DCC: variants seen among roughly 807,000 people sequenced by gnomAD.
The protein encoded by DCC is netrin receptor DCC.
A neutral mutation model predicts 172.5 loss-of-function variants in DCC; 58 were observed. The observed-to-expected ratio is 0.34, with a 90% CI of 0.27 to 0.42. DCC has a LOEUF of 0.42. Ranked by LOEUF, DCC falls within the 10% of genes least tolerant of loss-of-function variation. DCC has a pLI of 1.00. For missense variants in DCC, 1,740 were observed against 1,791.0 expected, an observed-to-expected ratio of 0.97 and a Z score of 0.51; for synonymous variants, 709 against 644.5, an observed-to-expected ratio of 1.10 and a Z score of -1.52.
intron 8 of DCC, among the ~76,000 whole-genome samples, chr18:53,175,040 G>A (rs1431433266): frequency 1.3e-5 from 2 of 151,578 alleles, no homozygotes; most frequent in South Asian, 4.2e-4. Context: ...ATCAATAAAT[G>A]TAATCCAGCA....
chr18:52,839,132 C>T (rs1258277195), intron 2 of DCC, among the ~76,000 whole-genome samples: 2 of 152,028 alleles, frequency 1.3e-5, no homozygotes, highest in Non-Finnish European at 2.9e-5. Context: ...ATTACAAGTC[C>T]TATAAAAACG....
chr18:53,470,481 A>G (rs934636349), intron 25 of DCC, among the ~76,000 whole-genome samples: 9 of 152,078 alleles, frequency 5.9e-5, no homozygotes, highest in Non-Finnish European at 8.8e-5. Flanking sequence ...ACCCAGTTCC[A>G]AAGTCACATC....
chr18:53,317,880 CTTTA>C (rs1201747864), intron 13 of DCC, among the ~76,000 whole-genome samples: 2 of 152,084 alleles, frequency 1.3e-5, no homozygotes, highest in East Asian at 3.9e-4. Flanking sequence ...CTCTTTTCTT[CTTTA>C]TTTGTCTGGC....
chr18:53,236,492 T>C (rs1203624339), intron 12 of DCC, among the ~76,000 whole-genome samples: 1 of 152,106 alleles, frequency 6.6e-6, no homozygotes, highest in African/African-American at 2.4e-5. Context: ...TTTCTACAAA[T>C]TGGAGGCTTA....
At chr18:52,361,994 A>G (rs189529028) in intron 1 of DCC, among the ~76,000 whole-genome samples, 12 of 152,210 alleles carry the variant, frequency 7.9e-5, no homozygotes, top group Non-Finnish European at 1.6e-4. Context: ...CATGACACAC[A>G]TTCTCATCCA....
At chr18:53,411,917 G>A (rs144510403) in intron 20 of DCC, among the ~76,000 whole-genome samples, 88 of 152,190 alleles carry the variant, frequency 5.8e-4, no homozygotes, top group African/African-American at 2.1e-3. Flanking sequence ...ATAGTGTTTT[G>A]CAAATGCTTC....
chr18:53,351,009 T>A (rs2057785105), intron 15 of DCC, among the ~76,000 whole-genome samples: 1 of 150,584 alleles, frequency 6.6e-6, no homozygotes, highest in Non-Finnish European at 1.5e-5. Flanking sequence ...TCAGGAAGAA[T>A]GGATTTTCTC....
At chr18:52,864,828 T>C (rs1462262982) in intron 2 of DCC, among the ~76,000 whole-genome samples, 1 of 152,062 alleles carries the variant, frequency 6.6e-6, no homozygotes, top group Admixed American at 6.6e-5. Context: ...GTTTCCAGCT[T>C]CATCCATGTC....
chr18:52,837,451 A>G (rs1457632582), intron 2 of DCC, among the ~76,000 whole-genome samples: 1 of 152,144 alleles, frequency 6.6e-6, no homozygotes, highest in Non-Finnish European at 1.5e-5. Context: ...CATCTCTCTC[A>G]AGTTCAAAAC....
chr18:53,093,706 G>A (rs1388516399), intron 7 of DCC, among the ~76,000 whole-genome samples: 1 of 152,160 alleles, frequency 6.6e-6, no homozygotes, highest in African/African-American at 2.4e-5. Context: ...ATACATCACT[G>A]TTGCCAGCAC....
At chr18:52,930,753 A>AT (rs2040295348) in intron 5 of DCC, among the ~76,000 whole-genome samples, 1 of 152,056 alleles carries the variant, frequency 6.6e-6, no homozygotes, top group South Asian at 2.1e-4. Context: ...TATTTTATTG[A>AT]TTACAGAAAC....
chr18:53,488,357 G>T (rs533947015), intron 26 of DCC, among the ~76,000 whole-genome samples: 1 of 152,186 alleles, frequency 6.6e-6, no homozygotes, highest in South Asian at 2.1e-4. Flanking sequence ...CCTGGGTGAT[G>T]GAGCTAGACT....
At chr18:53,252,032 T>A (rs2056442138) in intron 12 of DCC, among the ~76,000 whole-genome samples, 1 of 151,884 alleles carries the variant, frequency 6.6e-6, no homozygotes, top group Non-Finnish European at 1.5e-5. Context: ...CTCCACAATA[T>A]GTATGTATCC....
At chr18:52,846,608 A>ACAC (rs2038894958) in intron 2 of DCC, among the ~76,000 whole-genome samples, 8 of 130,492 alleles carry the variant, frequency 6.1e-5, no homozygotes, top group South Asian at 2.6e-4. Flanking sequence ...TGCCACTCCA[A>ACAC]ACACACACAC....
At chr18:53,196,066 A>G (rs1470907470) in intron 9 of DCC, among the ~76,000 whole-genome samples, 1 of 152,196 alleles carries the variant, frequency 6.6e-6, no homozygotes, top group Non-Finnish European at 1.5e-5. Flanking sequence ...AATGAGACCC[A>G]GGCTACCGTG....
intron 21 of DCC, among the ~76,000 whole-genome samples, chr18:53,434,513 T>A (rs2145116693): frequency 6.6e-6 from 1 of 152,330 alleles, no homozygotes; most frequent in Non-Finnish European, 1.5e-5. Context: ...ACACACCTAA[T>A]GGAAGGCAGA....
chr18:52,648,619 A>C (rs1419468490), intron 1 of DCC, among the ~76,000 whole-genome samples: 1 of 152,228 alleles, frequency 6.6e-6, no homozygotes, highest in East Asian at 1.9e-4. Context: ...AAATCTTTTC[A>C]TCACAAGCGT....
chr18:53,255,019 C>G (rs1179334859), intron 12 of DCC, among the ~76,000 whole-genome samples: 1 of 151,882 alleles, frequency 6.6e-6, no homozygotes, highest in Non-Finnish European at 1.5e-5. Context: ...GCAGGTTGAC[C>G]CACTCCTCTA....
intron 1 of DCC, among the ~76,000 whole-genome samples, chr18:52,751,112 T>C (rs936688270): frequency 2.6e-5 from 4 of 152,188 alleles, no homozygotes; most frequent in Non-Finnish European, 5.9e-5. Flanking sequence ...CCGAGGGACA[T>C]TGTAGAATCT....
Sources: gnomAD v4.1 joint callset for allele counts (sites outside exome capture counted in the v4.1 genomes callset) on GRCh38, gnomAD v4.1.1 for gene constraint, MANE v1.5 for transcripts, NCBI Gene and HGNC (gene_info 2026-07-23, HGNC 2026-07-21) for gene names.